Variants in CSMD1 observed in about 807,000 individuals in gnomAD.
The protein encoded by CSMD1 is CUB and Sushi multiple domains 1, also known as CUB and sushi domain-containing protein 1.
In CSMD1, 213 loss-of-function variants were observed where a neutral mutation model predicts 417.5. The ratio of observed to expected loss-of-function variants is 0.51; its 90% CI spans 0.46 to 0.57. The LOEUF (loss-of-function observed/expected upper bound fraction) is 0.57, where lower values mean the gene tolerates loss of function less well. Among genes scored for constraint, CSMD1 ranks in the 20% least tolerant of loss-of-function variants. CSMD1 has a pLI of 0.00. For synonymous variants in CSMD1, 2,862 were observed against 1,736.8 expected (o/e 1.65, Z -16.11); for missense variants, 6,923 against 4,529.7 (o/e 1.53, Z -15.17).
At chr8:4,970,553 G>C (rs34098727) in intron 1 of CSMD1, among the ~76,000 whole-genome samples, 1 of 151,702 alleles carries the variant, frequency 6.6e-6, no homozygotes, top group South Asian at 2.1e-4. Flanking sequence ...TTGGACAACA[G>C]GTGGTATGAA....
intron 7 of CSMD1, among the ~76,000 whole-genome samples, chr8:3,621,686 A>T (rs1357396068): frequency 6.6e-6 from 1 of 151,864 alleles, no homozygotes; most frequent in African/African-American, 2.4e-5. Flanking sequence ...TTCGTCTTCC[A>T]TGCTCCAGCA....
chr8:3,295,466 T>TG (rs1356855321), intron 25 of CSMD1, among the ~76,000 whole-genome samples: 8 of 152,016 alleles, frequency 5.3e-5, no homozygotes, highest in Non-Finnish European at 1.2e-4. Flanking sequence ...ACCGTTATAC[T>TG]GAAAAAAAGG....
chr8:4,021,413 A>G (rs535646088), intron 4 of CSMD1, among the ~76,000 whole-genome samples: 11 of 152,246 alleles, frequency 7.2e-5, no homozygotes, highest in African/African-American at 2.4e-4. Flanking sequence ...GGATTGTGTT[A>G]TATGTTGAGT....
intron 2 of CSMD1, among the ~76,000 whole-genome samples, chr8:4,519,036 G>A (rs924618718): frequency 2.6e-5 from 4 of 152,000 alleles, no homozygotes; most frequent in African/African-American, 7.2e-5. Context: ...CACTCCTTAT[G>A]GCTAGTTTTT....
At chr8:4,333,708 G>T (rs966435660) in intron 3 of CSMD1, among the ~76,000 whole-genome samples, 12 of 152,080 alleles carry the variant, frequency 7.9e-5, no homozygotes, top group African/African-American at 1.9e-4. Flanking sequence ...AAGAGTTGTA[G>T]AAAGGACTGC....
rs553226670 is a variant in CSMD1 at position 3,260,755 on chromosome 8, G to C, written c.4153+23389C>G. Among the ~76,000 whole-genome samples the C allele has an allele frequency of 7.2e-5, 11 of 152,238 alleles. No individual in the cohort carries two copies. The South Asian group carries it at 2.3e-3, about 32-fold the overall frequency. On this transcript the variant is annotated intron_variant, in intron 26 of 69. Transcript: ENST00000635120. ...AGTTAGGCAAGGGGCTCTTCGACTT[G>C]ACAACAGAAGCACAATCCATAAAAG...
chr8:4,989,686 C>G (rs1357733741), intron 1 of CSMD1, among the ~76,000 whole-genome samples: 1 of 152,156 alleles, frequency 6.6e-6, no homozygotes, highest in South Asian at 2.1e-4. Flanking sequence ...TCACTATGAG[C>G]TCAGCAGAAA....
At chr8:4,442,191 C>T (rs1798522145) in intron 2 of CSMD1, among the ~76,000 whole-genome samples, 1 of 152,140 alleles carries the variant, frequency 6.6e-6, no homozygotes, top group Admixed American at 6.5e-5. Context: ...TGACAATCTC[C>T]TGACAAATCT....
intron 5 of CSMD1, among the ~76,000 whole-genome samples, chr8:3,993,702 C>G (rs533695920): frequency 3.3e-5 from 5 of 152,142 alleles, no homozygotes; most frequent in African/African-American, 4.8e-5. Context: ...ACAGATGTTT[C>G]TTTTGAAGTC....
intron 3 of CSMD1, among the ~76,000 whole-genome samples, chr8:4,145,915 G>C (rs192823208): frequency 7.9e-5 from 12 of 151,154 alleles, no homozygotes; most frequent in Admixed American, 7.9e-4. Context: ...CTTGGCACAT[G>C]ATTGGCCCCA....
In CSMD1 at chr8:4,534,505, T is replaced by C. The variant is rs953912583; in HGVS notation, c.302+102837A>G. On this transcript the variant is annotated intron_variant, in intron 2 of 69. Transcript: ENST00000635120. Reference sequence around the variant, plus strand: ...TATTTCAGATACAGCGGGGTACAGGTGTAGGATTGTTACATGGGTATATTG... The same window carrying C: ...TATTTCAGATACAGCGGGGTACAGGCGTAGGATTGTTACATGGGTATATTG... 5.3e-5 allele frequency among the ~76,000 whole-genome samples: 8 copies of C among 152,268 alleles called. No individual in the cohort carries two copies. In the Middle Eastern group the frequency reaches 0.01, roughly 194 times the overall value.
intron 1 of CSMD1, among the ~76,000 whole-genome samples, chr8:4,883,173 C>A (rs897094534): frequency 2.0e-5 from 3 of 151,914 alleles, no homozygotes; most frequent in African/African-American, 7.3e-5. Flanking sequence ...TTCTCTTGTG[C>A]AAGAATGCTG....
chr8:4,050,658 C>CT (rs1486315761), intron 3 of CSMD1, among the ~76,000 whole-genome samples: 3 of 152,094 alleles, frequency 2.0e-5, no homozygotes, highest in East Asian at 3.9e-4. Flanking sequence ...TATTCGTTCT[C>CT]TTTTTTTGGA....
intron 3 of CSMD1, among the ~76,000 whole-genome samples, chr8:4,160,950 G>A (rs1797122788): frequency 6.6e-6 from 1 of 152,144 alleles, no homozygotes. Context: ...CTCATCAGAT[G>A]TATTTATCAG....
At chr8:3,426,290 C>A (rs1391753165) in intron 12 of CSMD1, among the ~76,000 whole-genome samples, 1 of 152,140 alleles carries the variant, frequency 6.6e-6, no homozygotes, top group Non-Finnish European at 1.5e-5. Context: ...ATTTCTTGAT[C>A]ATCAATTTTT....
At chr8:4,526,171 T>C (rs1339061086) in intron 2 of CSMD1, among the ~76,000 whole-genome samples, 1 of 152,202 alleles carries the variant, frequency 6.6e-6, no homozygotes, top group East Asian at 1.9e-4. Context: ...CCAACATTTG[T>C]GATTTTTGAG....
chr8:4,806,154 T>C (rs757050225), intron 1 of CSMD1, among the ~76,000 whole-genome samples: 1 of 152,132 alleles, frequency 6.6e-6, no homozygotes, highest in African/African-American at 2.4e-5. Context: ...TAGGAAGTGA[T>C]AACTCAATTG....
At chr8:4,838,494 T>A (rs978160893) in intron 1 of CSMD1, among the ~76,000 whole-genome samples, 6 of 152,352 alleles carry the variant, frequency 3.9e-5, no homozygotes, top group African/African-American at 1.4e-4. Flanking sequence ...CAAATGTGAT[T>A]CTGTCTCATA....
chr8:4,119,372 G>T (rs1293437784), intron 3 of CSMD1, among the ~76,000 whole-genome samples: 1 of 152,192 alleles, frequency 6.6e-6, no homozygotes, highest in Non-Finnish European at 1.5e-5. Flanking sequence ...ATTTTTTAAA[G>T]AGGTTGATCT....
Sources: allele counts gnomAD v4.1 joint callset (sites outside exome capture counted in the v4.1 genomes callset), GRCh38; gene constraint gnomAD v4.1.1; transcripts MANE v1.5; gene names NCBI Gene and HGNC (gene_info 2026-07-23, HGNC 2026-07-21).